ZNF469: variants seen among roughly 807,000 people sequenced by gnomAD.
ZNF469 encodes zinc finger protein 469.
A neutral mutation model predicts 1.0 loss-of-function variants in ZNF469; 1 was observed. The ratio of observed to expected loss-of-function variants is 1.00; its 90% CI spans 0.35 to 4.73. The LOEUF (loss-of-function observed/expected upper bound fraction) is 4.73. Ranked by LOEUF, ZNF469 falls within the 30% of genes most tolerant of loss-of-function variation. The pLI, the probability that ZNF469 is intolerant of heterozygous loss-of-function variation, is 0.16. For synonymous variants in ZNF469, 2,703 were observed against 2,363.4 expected (o/e 1.14, Z -4.17); for missense variants, 6,100 against 5,356.3 (o/e 1.14, Z -4.33).
the ZNF469 span, among the ~76,000 whole-genome samples, chr16:88,114,342 C>T: frequency 6.0e-5 from 8 of 132,444 alleles, no homozygotes; most frequent in Non-Finnish European, 1.1e-4. Flanking sequence ...TCACTGACTG[C>T]GGGGGTCTCA....
At chr16:88,284,103 G>C in the ZNF469 span, among the ~76,000 whole-genome samples, 228 of 19,972 alleles carry the variant, frequency 0.011, no homozygotes, top group Middle Eastern at 0.033. Context: ...GGTAGACCCC[G>C]AGTGTGCCTG....
At chr16:88,350,720 C>T in the ZNF469 span, among the ~76,000 whole-genome samples, 2 of 152,220 alleles carry the variant, frequency 1.3e-5, no homozygotes, top group Non-Finnish European at 2.9e-5. Flanking sequence ...AGCCAACCTC[C>T]CTCTTGGCCA....
chr16:88,440,434 A>G lies in ZNF469; in HGVS notation c.*1102A>G, dbSNP rs998744482. On this transcript the variant is annotated 3_prime_UTR_variant, in exon 3 of 3. Transcript: ENST00000565624. Reference sequence around the variant, plus strand: ...GCCTGGGACGCACGTGTCCTCTCACAGCGTCGTGCCTGTGAAGGTGGGTCA... The same window carrying G: ...GCCTGGGACGCACGTGTCCTCTCACGGCGTCGTGCCTGTGAAGGTGGGTCA... The G allele has an allele frequency of 6.6e-6, 1 of 152,072 alleles. No homozygotes were observed. The highest frequency in any genetic ancestry group is 6.5e-5 in the Admixed American group (1 of 15,274). 9.4% of individuals were successfully genotyped at this position (152,072 alleles called of 1,614,324 possible). A position where few individuals can be genotyped will look rare whatever the true frequency, so the allele number is the denominator to read the frequency against.
chr16:88,390,203 G>C (rs1026528017), intron 1 of ZNF469, among the ~76,000 whole-genome samples: 1 of 152,188 alleles, frequency 6.6e-6, no homozygotes, highest in African/African-American at 2.4e-5. Flanking sequence ...GGTGGTCACG[G>C]GGTTCAGCTC....
At chr16:88,168,826 GT>G in the ZNF469 span, among the ~76,000 whole-genome samples, 1 of 152,192 alleles carries the variant, frequency 6.6e-6, no homozygotes, top group Non-Finnish European at 1.5e-5. This position sits in a 1 kb window ranked among gnomAD's most constrained non-coding sequence, Gnocchi z 4.3. Context: ...GGGCTTTGTG[GT>G]GGCTGTGCCT....
chr16:88,352,497 T>G, the ZNF469 span, among the ~76,000 whole-genome samples: 1 of 152,140 alleles, frequency 6.6e-6, no homozygotes, highest in Non-Finnish European at 1.5e-5. Flanking sequence ...AAGGGCACAC[T>G]GGGCACCATG....
the ZNF469 span, among the ~76,000 whole-genome samples, chr16:88,131,418 C>T: frequency 7.2e-6 from 1 of 139,736 alleles, no homozygotes. Flanking sequence ...TTTGTTAGAA[C>T]CTCTCGGCTT....
chr16:88,299,062 G>T, the ZNF469 span, among the ~76,000 whole-genome samples: 58 of 152,044 alleles, frequency 3.8e-4, no homozygotes, highest in African/African-American at 1.3e-3. Context: ...CAGGAGAAAG[G>T]CCTGCAAGCC....
Position 88,432,736 on chromosome 16 carries a change from G to A in ZNF469, c.5266G>A (p.Ala1756Thr), listed in dbSNP as rs371328036. 331 of 1,550,392 alleles carry A rather than the reference G, an allele frequency of 2.1e-4. No individual in the cohort carries two copies. The highest frequency in any genetic ancestry group is 3.1e-4 in the Admixed American group (16 of 51,012). ...TTCATTTCCTAAGAATAAGGAGGCC[G>A]CCAGCTCACAAGAAAGTGAAGACTC... is the stretch of plus-strand genomic sequence containing the variant. ...ELSFPKNKEA[A>T]SSQESEDSLR... Residue 1756 changes from alanine to threonine, a missense_variant, in exon 3 of 3, where the codon GCC (alanine) becomes ACC (threonine). By Grantham distance (58) the Ala-to-Thr change is moderately conservative. Transcript: ENST00000565624.
the ZNF469 span, among the ~76,000 whole-genome samples, chr16:88,128,421 T>A: frequency 5.3e-5 from 8 of 152,186 alleles, no homozygotes; most frequent in Non-Finnish European, 8.8e-5. Flanking sequence ...ACTGGTTGAA[T>A]TATTATTTTT....
At chr16:88,134,097 C>CAAGGAATG in the ZNF469 span, among the ~76,000 whole-genome samples, 1 of 150,634 alleles carries the variant, frequency 6.6e-6, no homozygotes, top group African/African-American at 2.4e-5. Context: ...GTCTCTGTCT[C>CAAGGAATG]AATGAATGAA....
chr16:88,350,057 T>A, the ZNF469 span, among the ~76,000 whole-genome samples: 5 of 152,032 alleles, frequency 3.3e-5, no homozygotes, highest in African/African-American at 9.7e-5. Context: ...CACCCCCAGC[T>A]TCTGCCATGG....
intron 1 of ZNF469, among the ~76,000 whole-genome samples, chr16:88,394,777 C>A (rs937673891): frequency 1.3e-5 from 2 of 152,248 alleles, no homozygotes; most frequent in African/African-American, 4.8e-5. Flanking sequence ...CAGAGCGTGA[C>A]AACAGCATGT....
chr16:88,210,180 T>G, the ZNF469 span, among the ~76,000 whole-genome samples: 2 of 152,154 alleles, frequency 1.3e-5, no homozygotes, highest in African/African-American at 4.8e-5. Flanking sequence ...AAGGCCCATT[T>G]ATAAACATTT....
chr16:88,242,017 C>T, the ZNF469 span, among the ~76,000 whole-genome samples: 4 of 152,158 alleles, frequency 2.6e-5, no homozygotes, highest in African/African-American at 7.2e-5. Context: ...GGGAATTTGG[C>T]GAGACTGTTA....
chr16:88,155,814 A>G, the ZNF469 span, among the ~76,000 whole-genome samples: 1 of 152,212 alleles, frequency 6.6e-6, no homozygotes, highest in African/African-American at 2.4e-5. Flanking sequence ...GTGTGCACGG[A>G]GGAGTGGAAT....
chr16:88,183,063 A>G, the ZNF469 span, among the ~76,000 whole-genome samples: 2 of 152,242 alleles, frequency 1.3e-5, no homozygotes, highest in Non-Finnish European at 2.9e-5. Flanking sequence ...ATAATCCACT[A>G]AAAAGTAGGT....
Position 88,435,415 on chromosome 16 carries a change from C to A in ZNF469, c.7945C>A (p.Leu2649Ile). 6.5e-7 allele frequency: 1 copy of A among 1,550,324 alleles called. No individual in the cohort carries two copies. The highest frequency in any genetic ancestry group is 8.7e-7 in the Non-Finnish European group (1 of 1,146,992). ...RGRRLREESILPVSADVISDG... is the reference protein window; with the variant it reads ...RGRRLREESIIPVSADVISDG... ...GAGAAGGCTCCGGGAGGAGAGCATT[C>A]TTCCAGTCTCTGCTGATGTGATTTC... The change falls in exon 3 of 3, where the codon CTT (leucine) becomes ATT (isoleucine). Residue 2649 changes from leucine to isoleucine, a missense_variant. Physicochemically the swap from Leu to Ile is conservative, Grantham distance 5. Transcript: ENST00000565624.
the ZNF469 span, among the ~76,000 whole-genome samples, chr16:88,118,200 C>G: frequency 6.6e-6 from 1 of 152,248 alleles, no homozygotes; most frequent in African/African-American, 2.4e-5. Flanking sequence ...GTCTCAGCCT[C>G]CCAAAGTGCT....
Sources: gnomAD v4.1 joint callset for allele counts (sites outside exome capture counted in the v4.1 genomes callset) on GRCh38, gnomAD v4.1.1 for gene constraint, Gnocchi (gnomAD v3.1) non-coding constraint, MANE v1.5 for transcripts, NCBI Gene and HGNC (gene_info 2026-07-23, HGNC 2026-07-21) for gene names.